DUS3L: variants seen among roughly 807,000 people sequenced by gnomAD.
DUS3L encodes dihydrouridine synthase 3 like.
In DUS3L, 62 loss-of-function variants were observed where a neutral mutation model predicts 74.6. The observed-to-expected ratio is 0.83, with a 90% confidence interval of 0.68 to 1.03. The LOEUF (loss-of-function observed/expected upper bound fraction) is 1.03. Ranked by LOEUF, DUS3L falls within the 50% of genes least tolerant of loss-of-function variation. DUS3L has a pLI of 0.00. For synonymous variants in DUS3L, 433 were observed against 395.7 expected (o/e 1.09, Z -1.12); for missense variants, 884 against 924.4 (o/e 0.96, Z 0.57).
At chr19:5,787,872 C>T (rs2056869702) in intron 5 of DUS3L, 152 bp downstream of exon 5, 1 of 1,433,974 alleles carries the variant, frequency 7.0e-7, no homozygotes, top group Non-Finnish European at 9.4e-7. Context: ...CGGCCACGGC[C>T]ATCAGCCCCC....
intron 1 of DUS3L, chr19:5,790,680 GGCCCCAGCAC>G: frequency 1.9e-6 from 1 of 538,176 alleles, no homozygotes; most frequent in Non-Finnish European, 3.3e-6. Flanking sequence ...AAACACCGCA[GGCCCCAGCAC>G]GCCCCGCGGC....
intron 6 of DUS3L, 99 bp downstream of exon 6, chr19:5,787,490 T>C (rs1392764627): frequency 3.9e-6 from 6 of 1,525,116 alleles, no homozygotes; most frequent in South Asian, 2.2e-5. Context: ...AGGGCCACAC[T>C]TGAGCCCAAA....
chr19:5,787,412 A>G, intron 6 of DUS3L, 51 bp from the exon 7 acceptor site: 6 of 1,590,016 alleles, frequency 3.8e-6, no homozygotes, highest in Non-Finnish European at 5.2e-6. Flanking sequence ...CTGACCCAAG[A>G]CCCCTCACCC....
chr19:5,789,179 T>C (rs1219926973), intron 3 of DUS3L, 28 bp downstream of exon 3: 11 of 1,509,638 alleles, frequency 7.3e-6, no homozygotes, highest in Middle Eastern at 1.8e-4. Context: ...TGGACAGATC[T>C]GCTACTGACG....
chr19:5,789,625 C>T lies in DUS3L; in HGVS notation c.482G>A (p.Arg161His), dbSNP rs768684516. The T allele has an allele frequency of 5.6e-6, 9 of 1,601,298 alleles. No homozygotes were observed. The highest frequency in any genetic ancestry group is 1.7e-5 in the Admixed American group (1 of 57,658). The part of the protein sequence containing the change: ...LETKPADLGP[R>H]CVLFETFGRC... ...GCCGAAGGTCTCGAAGAGCACGCAGCGGGGGCCCAGGTCGGCCGGCTTGGT... is the reference window on the plus strand; with the variant it reads ...GCCGAAGGTCTCGAAGAGCACGCAGTGGGGGCCCAGGTCGGCCGGCTTGGT... Residue 161 changes from arginine to histidine, a missense_variant, in exon 3 of 13, where the codon CGC (arginine) becomes CAC (histidine). Arg to His is a conservative substitution (Grantham distance 29). Transcript: ENST00000309061.
intron 8 of DUS3L, 56 bp downstream of exon 8, chr19:5,787,005 G>A: frequency 1.3e-6 from 2 of 1,494,508 alleles, no homozygotes; most frequent in Non-Finnish European, 1.8e-6. Context: ...GAGCCATTAG[G>A]AAGGGACGCG....
rs767464574 is a variant in DUS3L, at chr19:5,787,663, G to C, written c.1138C>G (p.Leu380Val). ...TCCACCTCCACGGTGCGGCTCAGCA[G>C]CTCGGCACACTTGGTCATGGTGTCG... is the stretch of plus-strand genomic sequence containing the variant. The part of the protein sequence containing the change: ...FPDTMTKCAE[L>V]LSRTVEVDFV... The change falls in exon 6 of 13, where the codon CTG becomes GTG. Residue 380 changes from leucine to valine, a missense_variant. By Grantham distance (32) the Leu-to-Val change is conservative (BLOSUM62 1). Transcript: ENST00000309061. 31 of 1,613,692 alleles carry C rather than the reference G, an allele frequency of 1.9e-5. No homozygotes were observed. Among genetic ancestry groups the C allele is most frequent in the Non-Finnish European group, 2.5e-5 (29 of 1,179,988 alleles).
chr19:5,786,053 G>A lies in DUS3L; in HGVS notation c.1563-262C>T, dbSNP rs1599616910. On this transcript the variant is annotated intron_variant, in intron 10 of 12. Transcript: ENST00000309061. ...TTCAACCTCCGTCTCCCAGGTTCAGGCAATTGTCCTGCCTCAGCCTCCCTA... is the reference window on the plus strand; with the variant it reads ...TTCAACCTCCGTCTCCCAGGTTCAGACAATTGTCCTGCCTCAGCCTCCCTA... The A allele has an allele frequency of 2.4e-5, 12 of 508,918 alleles. No individual in the cohort carries two copies. The East Asian group carries it at 3.7e-4, about 16-fold the overall frequency. The allele number at this position is 508,918 out of a possible 1,614,324, so 31.5% of individuals were successfully genotyped here. A position where few individuals can be genotyped will look rare whatever the true frequency, so the allele number is the denominator to read the frequency against.
chr19:5,786,103 CACT>C, intron 10 of DUS3L: 1 of 476,798 alleles, frequency 2.1e-6, no homozygotes, highest in East Asian at 3.7e-5. Flanking sequence ...AGGCGTGTAC[CACT>C]ACACCTGGCT....
In DUS3L at chr19:5,789,383, C is replaced by T. The variant is rs756721749; in HGVS notation, c.724G>A (p.Ala242Thr). 1.9e-6 allele frequency: 3 copies of T among 1,591,572 alleles called. No homozygotes were observed. In the South Asian group the frequency reaches 3.4e-5, roughly 18 times the overall value. ...LRRFSQGPTP[A>T]AAVPEGTAAE... ...GCCGTGCCCTCGGGGACAGCGGCAG[C>T]GGGTGTGGGGCCCTGGCTGAACCGG... The change falls in exon 3 of 13, where the codon GCT becomes ACT. Residue 242 changes from alanine to threonine, a missense_variant. Transcript: ENST00000309061.
rs1207366777 is a variant in DUS3L, at chr19:5,789,254, G to C, written c.853C>G (p.Leu285Val). Residue 285 changes from leucine to valine, a missense_variant, in exon 3 of 13, where the codon CTG (leucine) becomes GTG (valine). Physicochemically the swap from Leu to Val is conservative, Grantham distance 32. Transcript: ENST00000309061. ...AGCCTGACCACGTCCTCATCCGTCA[G>C]GGGCCCGCAGGTCCGCACGGGGCTG... ...PSSPVRTCGP[L>V]TDEDVVRLRP... 2 of 1,570,146 alleles carry C rather than the reference G, an allele frequency of 1.3e-6. No homozygotes were observed. The highest frequency in any genetic ancestry group is 2.4e-5 in the South Asian group (2 of 84,716).
intron 10 of DUS3L, chr19:5,786,030 C>A: frequency 1.9e-6 from 1 of 528,764 alleles, no homozygotes; most frequent in Non-Finnish European, 3.3e-6. Context: ...GCTCACTGTT[C>A]AACCTCCGTC....
chr19:5,786,564 T>G (rs1456865129), intron 9 of DUS3L, 22 bp from the exon 10 acceptor site: 1 of 1,610,126 alleles, frequency 6.2e-7, no homozygotes, highest in South Asian at 1.1e-5. Context: ...GAGGCTGGGG[T>G]CTCAGGGAGA....
At chr19:5,788,510 G>A in intron 3 of DUS3L, 112 bp from the exon 4 acceptor site, 2 of 1,243,558 alleles carry the variant, frequency 1.6e-6, no homozygotes, top group Non-Finnish European at 2.3e-6. Context: ...AAATGGTCTG[G>A]CTCCTTTGCT....
intron 11 of DUS3L, 34 bp downstream of exon 11, chr19:5,785,569 C>T (rs142103037): frequency 0.023 from 36,549 of 1,573,678 alleles, 489 homozygotes; most frequent in South Asian, 0.025. Flanking sequence ...CCGCGGCCCA[C>T]GCGCCGCCCA....
intron 10 of DUS3L, 126 bp from the exon 11 acceptor site, chr19:5,785,917 C>T: frequency 1.0e-6 from 1 of 1,001,418 alleles, no homozygotes; most frequent in Non-Finnish European, 1.4e-6. Flanking sequence ...GTAAGCCTCC[C>T]AGCTGCATGC....
Position 5,787,611 on chromosome 19 carries a change from G to C in DUS3L, c.1190C>G (p.Pro397Arg). The change falls in exon 6 of 13, where the codon CCC (proline) becomes CGC (arginine). Residue 397 changes from proline to arginine, a missense_variant. By Grantham distance (103) the Pro-to-Arg change is moderately radical (BLOSUM62 -2). Transcript: ENST00000309061. ...VDFVDINVGC[P>R]IDLVYKKGGG... ...TACCTTCTTGTACACGAGGTCGATG[G>C]GGCAGCCGACGTTGATGTCCACAAA... 1 of 1,613,624 alleles carries C rather than the reference G, an allele frequency of 6.2e-7. No homozygotes were observed. The highest frequency in any genetic ancestry group is 1.3e-5 in the African/African-American group (1 of 75,034).
chr19:5,788,583 C>CACTGG (rs1305008929), intron 3 of DUS3L, among the ~76,000 whole-genome samples, 185 bp from the exon 4 acceptor site: 1 of 152,186 alleles, frequency 6.6e-6, no homozygotes, highest in Non-Finnish European at 1.5e-5. Context: ...TCGTCTCCTC[C>CACTGG]ACTGGAGAGC....
rs1008198899 is a variant in DUS3L at position 5,787,962 on chromosome 19, T to C, written c.1095+62A>G. ...AGGCAACCAGGGCAGACCTGGAACC[T>C]GGCTCTGAGACAGGACGGCCGAGGG... is the stretch of plus-strand genomic sequence containing the variant. On this transcript the variant is annotated intron_variant, in intron 5 of 12. Coordinates refer to ENST00000309061, the MANE Select transcript of DUS3L (RefSeq NM_020175.3). 1.9e-6 allele frequency: 3 copies of C among 1,592,382 alleles called. No individual in the cohort carries two copies. In the Middle Eastern group the frequency reaches 5.9e-4, roughly 311 times the overall value.
Sources: gnomAD v4.1 joint callset for allele counts (sites outside exome capture counted in the v4.1 genomes callset) on GRCh38, gnomAD v4.1.1 for gene constraint, MANE v1.5 for transcripts, NCBI Gene and HGNC (gene_info 2026-07-23, HGNC 2026-07-21) for gene names.